Variants in GPRASP3 observed in about 807,000 individuals in gnomAD.
GPRASP3 encodes the protein G protein-coupled receptor associated sorting protein family member 3.
the GPRASP3 span, among the ~76,000 whole-genome samples, chrX:102,739,692 C>T: frequency 2.3e-4 from 26 of 111,336 alleles, no homozygotes; most frequent in Non-Finnish European, 4.7e-4. Flanking sequence ...GAAAACTTAG[C>T]GCTGGGGCAT....
the GPRASP3 span, chrX:102,749,660 A>T: frequency 8.3e-7 from 1 of 1,211,338 alleles, no homozygotes. Context: ...ATCTGGCCCA[A>T]TGCCCCTGCT....
At chrX:102,723,856 T>C in the GPRASP3 span, among the ~76,000 whole-genome samples, 1 of 111,374 alleles carries the variant, frequency 9.0e-6, no homozygotes, top group Non-Finnish European at 1.9e-5. Flanking sequence ...CAATCTTGCC[T>C]ATGTAATAAA....
At chrX:102,748,427 G>C in the GPRASP3 span, among the ~76,000 whole-genome samples, 1 of 111,927 alleles carries the variant, frequency 8.9e-6, no homozygotes, top group South Asian at 3.8e-4. Flanking sequence ...GGTCCAAAGA[G>C]ACTGGGCACT....
At chrX:102,735,401 CTCTTT>C in the GPRASP3 span, among the ~76,000 whole-genome samples, 3 of 105,907 alleles carry the variant, frequency 2.8e-5, no homozygotes, top group African/African-American at 1.1e-4. Context: ...CACACAGAAT[CTCTTT>C]TTTTTTTTTT....
chrX:102,747,310 T>C, the GPRASP3 span, among the ~76,000 whole-genome samples: 4 of 112,156 alleles, frequency 3.6e-5, no homozygotes, highest in Non-Finnish European at 7.5e-5. Context: ...GTTAACATAG[T>C]CTCTTGGGGT....
the GPRASP3 span, among the ~76,000 whole-genome samples, chrX:102,745,587 G>A: frequency 1.8e-5 from 2 of 111,142 alleles, no homozygotes; most frequent in Non-Finnish European, 3.8e-5. Flanking sequence ...TTAGCTTCCA[G>A]GAAGGAGAGT....
the GPRASP3 span, chrX:102,750,605 T>C: frequency 1.7e-6 from 2 of 1,176,115 alleles, no homozygotes; most frequent in Non-Finnish European, 2.3e-6. Flanking sequence ...ATGGCCATTT[T>C]CAGGGAAGTT....
chrX:102,736,927 C>T, the GPRASP3 span, among the ~76,000 whole-genome samples: 1 of 111,964 alleles, frequency 8.9e-6, no homozygotes, highest in African/African-American at 3.2e-5. Flanking sequence ...GGGATCTATC[C>T]ACTTTCAATT....
chrX:102,752,615 G>A, the GPRASP3 span: 1 of 123,307 alleles, frequency 8.1e-6, no homozygotes, highest in Non-Finnish European at 1.9e-5. Flanking sequence ...GTATTATATA[G>A]ATCTGTCACA....
the GPRASP3 span, among the ~76,000 whole-genome samples, chrX:102,743,751 G>T: frequency 9.2e-6 from 1 of 108,971 alleles, no homozygotes; most frequent in Non-Finnish European, 1.9e-5. Flanking sequence ...TGATTGGTTG[G>T]GGGTGCAATC....
chrX:102,752,117 G>A, the GPRASP3 span: 1 of 122,639 alleles, frequency 8.2e-6, no homozygotes, highest in African/African-American at 3.3e-5. Context: ...CAGAATTGCA[G>A]CTTCAACAAC....
chrX:102,734,821 A>G, the GPRASP3 span, among the ~76,000 whole-genome samples: 1 of 111,586 alleles, frequency 9.0e-6, no homozygotes, highest in East Asian at 2.8e-4. Context: ...CATATTAATA[A>G]CATATTTATG....
At chrX:102,745,614 G>A in the GPRASP3 span, among the ~76,000 whole-genome samples, 1 of 111,235 alleles carries the variant, frequency 9.0e-6, no homozygotes, top group Non-Finnish European at 1.9e-5. Context: ...GCTGGGGAGA[G>A]GGAAGGGGCA....
At chrX:102,751,667 G>A in the GPRASP3 span, 3 of 123,206 alleles carry the variant, frequency 2.4e-5, no homozygotes, top group Admixed American at 9.5e-5. Context: ...CTCCAAATTC[G>A]TGTGTCCATT....
At chrX:102,745,264 G>A in the GPRASP3 span, among the ~76,000 whole-genome samples, 1 of 111,409 alleles carries the variant, frequency 9.0e-6, no homozygotes, top group Non-Finnish European at 1.9e-5. Context: ...ACGGCGCAAT[G>A]CCAACCTGAG....
chrX:102,733,980 G>A, the GPRASP3 span, among the ~76,000 whole-genome samples: 2 of 109,888 alleles, frequency 1.8e-5, no homozygotes, highest in Admixed American at 9.8e-5. Flanking sequence ...TGACTGGCAG[G>A]GGCGGGGGTT....
chrX:102,738,677 AC>A, the GPRASP3 span, among the ~76,000 whole-genome samples: 1 of 110,861 alleles, frequency 9.0e-6, no homozygotes, highest in Non-Finnish European at 1.9e-5. Flanking sequence ...TTACTGTGTA[AC>A]CCCCTAGTGT....
the GPRASP3 span, among the ~76,000 whole-genome samples, chrX:102,727,685 A>C: frequency 8.9e-6 from 1 of 112,594 alleles, no homozygotes; most frequent in Non-Finnish European, 1.9e-5. Context: ...TATGACCTTT[A>C]AAAACCATGT....
chrX:102,748,382 G>C, the GPRASP3 span, among the ~76,000 whole-genome samples: 2 of 111,441 alleles, frequency 1.8e-5, no homozygotes, highest in Non-Finnish European at 3.8e-5. Flanking sequence ...ATGAGGTCTA[G>C]TGGTATATAT....
Sources: gnomAD v4.1 joint callset for allele counts (sites outside exome capture counted in the v4.1 genomes callset) on GRCh38, gnomAD v4.1.1 for gene constraint, MANE v1.5 for transcripts, NCBI Gene and HGNC (gene_info 2026-07-23, HGNC 2026-07-21) for gene names.